The following RTL10 variants were observed in gnomAD, a reference collection of about 807,000 sequenced individuals.
RTL10 encodes protein Bop.
For missense variants in RTL10, 477 were observed against 470.7 expected (o/e 1.01, Z -0.12); for synonymous variants, 199 against 188.4 (o/e 1.06, Z -0.46).
chr22:19,852,158 G>A lies in RTL10; in HGVS notation c.104C>T (p.Pro35Leu). 1 of 1,614,136 alleles carries A rather than the reference G, an allele frequency of 6.2e-7. No individual in the cohort carries two copies. Among genetic ancestry groups the A allele is most frequent in the Non-Finnish European group, 8.5e-7 (1 of 1,180,036 alleles). The change falls in exon 3 of 3, where the codon CCT becomes CTT. Residue 35 changes from proline to leucine, a missense_variant. By Grantham distance (98) the Pro-to-Leu change is moderately conservative. Coordinates refer to ENST00000328554, the MANE Select transcript of RTL10 (RefSeq NM_024627.6). ...HPWQQMDKAS[P>L]GVAYTPLVDP... ...CACAAGGGGGGTGTATGCCACCCCA[G>A]GAGACGCCTTGTCCATCTGCTGCCA...
In RTL10 at chr22:19,851,054, G is replaced by T; in HGVS notation, c.*113C>A. 1.4e-6 allele frequency: 2 copies of T among 1,452,952 alleles called. No individual in the cohort carries two copies. Among genetic ancestry groups the T allele is most frequent in the Non-Finnish European group, 1.8e-6 (2 of 1,102,532 alleles). The allele number at this position is 1,452,952 out of a possible 1,614,324, so 90.0% of individuals were successfully genotyped here. A position where few individuals can be genotyped will look rare whatever the true frequency, so the allele number is the denominator to read the frequency against. On this transcript the variant is annotated 3_prime_UTR_variant, in exon 3 of 3. Coordinates refer to ENST00000328554, the MANE Select transcript of RTL10 (RefSeq NM_024627.6). ...AACAAGCGCATCTTGCCCAGCTATG[G>T]GGTCTGAAGTCATCTGGGGACACCA...
rs1274231121 is a variant in RTL10 at position 19,847,524 on chromosome 22, A to G, written c.*3643T>C. 4 of 985,430 alleles carry G rather than the reference A, an allele frequency of 4.1e-6. No individual in the cohort carries two copies. The highest frequency in any genetic ancestry group is 4.8e-6 in the Non-Finnish European group (4 of 829,968). 61.0% of individuals were successfully genotyped at this position (985,430 alleles called of 1,614,324 possible). On this transcript the variant is annotated 3_prime_UTR_variant, in exon 3 of 3. Transcript: ENST00000328554. ...GAGGAAAAACTCTGGTCACAGCTCA[A>G]AAAGGTCAGGTAAGGACCCTCAGCT...
In RTL10 at chr22:19,849,982, T is replaced by C; in HGVS notation, c.*1185A>G. On this transcript the variant is annotated 3_prime_UTR_variant, in exon 3 of 3. Coordinates refer to ENST00000328554, the MANE Select transcript of RTL10 (RefSeq NM_024627.6). ...TTTCTTCATTCCATTCCTCTGGGCC[T>C]GGGGCCTCACAGCTCTGGACTGCTG... 2 of 985,502 alleles carry C rather than the reference T, an allele frequency of 2.0e-6. No individual in the cohort carries two copies. The highest frequency in any genetic ancestry group is 2.4e-6 in the Non-Finnish European group (2 of 830,014). The allele number at this position is 985,502 out of a possible 1,614,324, so 61.0% of individuals were successfully genotyped here. A position where few individuals can be genotyped will look rare whatever the true frequency, so the allele number is the denominator to read the frequency against.
Position 19,852,354 on chromosome 22 carries a change from A to G in RTL10, c.-93T>C. 1 of 1,398,244 alleles carries G rather than the reference A, an allele frequency of 7.2e-7. No homozygotes were observed. The highest frequency in any genetic ancestry group is 9.8e-7 in the Non-Finnish European group (1 of 1,019,868). 86.6% of individuals were successfully genotyped at this position (1,398,244 alleles called of 1,614,324 possible). A position where few individuals can be genotyped will look rare whatever the true frequency, so the allele number is the denominator to read the frequency against. ...GCTTGCACGACACAACAGGACAGGG[A>G]TGGCTGAACAGGGCGTGGCAGACCC... On this transcript the variant is annotated 5_prime_UTR_variant, in exon 3 of 3. Coordinates refer to ENST00000328554, the MANE Select transcript of RTL10 (RefSeq NM_024627.6).
chr22:19,851,248 C>T lies in RTL10; in HGVS notation c.1014G>A (p.Gln338=). The change falls in exon 3 of 3, where the codon CAG becomes CAA. Residue 338 remains glutamine, a synonymous_variant. Coordinates refer to ENST00000328554, the MANE Select transcript of RTL10 (RefSeq NM_024627.6). Reference sequence around the variant, plus strand: ...CCTGTGGGGTACCTAAGGACACCTCCTGGTCTCCCTCTGTCTCCAAAACCT... The same window carrying T: ...CCTGTGGGGTACCTAAGGACACCTCTTGGTCTCCCTCTGTCTCCAAAACCT... ...EEEVLETEGD[Q]EVSLGTPQEV... 1.2e-6 allele frequency: 2 copies of T among 1,606,316 alleles called. No individual in the cohort carries two copies. Among genetic ancestry groups the T allele is most frequent in the Middle Eastern group, 1.7e-4 (1 of 6,058 alleles).
Position 19,846,900 on chromosome 22 carries a change from C to T in RTL10, c.*4267G>A. 1.0e-6 allele frequency: 1 copy of T among 982,620 alleles called. No individual in the cohort carries two copies. Among genetic ancestry groups the T allele is most frequent in the Non-Finnish European group, 1.2e-6 (1 of 827,374 alleles). 60.9% of individuals were successfully genotyped at this position (982,620 alleles called of 1,614,324 possible). ...CCCTAGCCTGCGGTCCTTTGTCAGG[C>T]AGCCCCAGCAGACAAACAGGTATGT... On this transcript the variant is annotated 3_prime_UTR_variant, in exon 3 of 3. Transcript: ENST00000328554.
In RTL10 at chr22:19,852,357, G is replaced by A; in HGVS notation, c.-96C>T. The A allele has an allele frequency of 7.3e-7, 1 of 1,362,414 alleles. No individual in the cohort carries two copies. The highest frequency in any genetic ancestry group is 1.0e-6 in the Non-Finnish European group (1 of 988,660). The allele number at this position is 1,362,414 out of a possible 1,614,324, so 84.4% of individuals were successfully genotyped here. A position where few individuals can be genotyped will look rare whatever the true frequency, so the allele number is the denominator to read the frequency against. On this transcript the variant is annotated 5_prime_UTR_variant, in exon 3 of 3. Transcript: ENST00000328554. ...TGCACGACACAACAGGACAGGGATG[G>A]CTGAACAGGGCGTGGCAGACCCGCA...
chr22:19,850,406 A>C lies in RTL10; in HGVS notation c.*761T>G. The C allele has an allele frequency of 1.0e-6, 1 of 990,556 alleles. No homozygotes were observed. Among genetic ancestry groups the C allele is most frequent in the Non-Finnish European group, 1.2e-6 (1 of 833,590 alleles). 61.4% of individuals were successfully genotyped at this position (990,556 alleles called of 1,614,324 possible). A position where few individuals can be genotyped will look rare whatever the true frequency, so the allele number is the denominator to read the frequency against. ...CAATGCATGCGAGTGCGGAGTGAGC[A>C]GGGGATGGCAGCACAGCAGCAGGGA... On this transcript the variant is annotated 3_prime_UTR_variant, in exon 3 of 3. Coordinates refer to ENST00000328554, the MANE Select transcript of RTL10 (RefSeq NM_024627.6).
Position 19,846,675 on chromosome 22 carries a change from A to AT in RTL10, c.*4491dup. On this transcript the variant is annotated 3_prime_UTR_variant, in exon 3 of 3. Coordinates refer to ENST00000328554, the MANE Select transcript of RTL10 (RefSeq NM_024627.6). ...CTTTAAAGAGGTAATTCAGGGTTAA[A>AT]TGAGGTCATGAGGGTGGGCCCTGAT... 1 of 546,136 alleles carries AT rather than the reference A, an allele frequency of 1.8e-6. No individual in the cohort carries two copies. Among genetic ancestry groups the AT allele is most frequent in the Non-Finnish European group, 2.3e-6 (1 of 428,776 alleles). 33.8% of individuals were successfully genotyped at this position (546,136 alleles called of 1,614,324 possible). A position where few individuals can be genotyped will look rare whatever the true frequency, so the allele number is the denominator to read the frequency against.
chr22:19,848,506 G>T lies in RTL10; in HGVS notation c.*2661C>A. 1 of 985,502 alleles carries T rather than the reference G, an allele frequency of 1.0e-6. No homozygotes were observed. The highest frequency in any genetic ancestry group is 1.2e-6 in the Non-Finnish European group (1 of 829,974). The allele number at this position is 985,502 out of a possible 1,614,324, so 61.0% of individuals were successfully genotyped here. On this transcript the variant is annotated 3_prime_UTR_variant, in exon 3 of 3. Transcript: ENST00000328554. ...AAGGAGCTGTGTGCACTGCCTGTCT[G>T]GAAGGCCATGCCAGAGTCCATCGTT...
Position 19,851,478 on chromosome 22 carries a change from CCTT to C in RTL10, c.781_783del (p.Lys261del). Reference sequence around the variant, plus strand: ...GGCTCCTTGGGCCCAGGGGTGCTCTCCTTGGTCAGCTGCTGCTCGAACAGAGCA... The same window carrying C: ...GGCTCCTTGGGCCCAGGGGTGCTCTCGGTCAGCTGCTGCTCGAACAGAGCA... On this transcript the variant is annotated inframe_deletion, in exon 3 of 3. Coordinates refer to ENST00000328554, the MANE Select transcript of RTL10 (RefSeq NM_024627.6). 6.2e-7 allele frequency: 1 copy of C among 1,614,102 alleles called. No individual in the cohort carries two copies. The highest frequency in any genetic ancestry group is 8.5e-7 in the Non-Finnish European group (1 of 1,180,028).
rs1938003345 is a variant in RTL10 at position 19,847,879 on chromosome 22, T to C, written c.*3288A>G. On this transcript the variant is annotated 3_prime_UTR_variant, in exon 3 of 3. Coordinates refer to ENST00000328554, the MANE Select transcript of RTL10 (RefSeq NM_024627.6). ...ATAATTGTAACATTGAAATCTTTAATCTGGAATATGTACTGGCATAAAGAG... is the reference window on the plus strand; with the variant it reads ...ATAATTGTAACATTGAAATCTTTAACCTGGAATATGTACTGGCATAAAGAG... The C allele has an allele frequency of 1.0e-6, 1 of 973,986 alleles. No individual in the cohort carries two copies. Among genetic ancestry groups the C allele is most frequent in the Non-Finnish European group, 1.2e-6 (1 of 820,414 alleles). 60.3% of individuals were successfully genotyped at this position (973,986 alleles called of 1,614,324 possible).
intron 2 of RTL10, among the ~76,000 whole-genome samples, chr22:19,854,116 C>T (rs1487621088): frequency 1.3e-5 from 2 of 152,332 alleles, no homozygotes; most frequent in East Asian, 1.9e-4. Context: ...AACCTTAGCC[C>T]TCCCACGCCT....
chr22:19,854,018 C>A (rs567309132), intron 2 of RTL10, among the ~76,000 whole-genome samples: 1 of 152,322 alleles, frequency 6.6e-6, no homozygotes, highest in Non-Finnish European at 1.5e-5. Flanking sequence ...CCCCTGCAGT[C>A]TGGGAGAAGG....
At chr22:19,853,883 G>A (rs1393506201) in intron 2 of RTL10, among the ~76,000 whole-genome samples, 3 of 152,198 alleles carry the variant, frequency 2.0e-5, no homozygotes, top group Non-Finnish European at 2.9e-5. Context: ...CACCAGCCAA[G>A]GTTAGGTATC....
At position 19,851,716 on chromosome 22, in the gene RTL10, C is replaced by T. The variant is rs1388950438; in HGVS notation, c.546G>A (p.Pro182=). 6 of 1,602,874 alleles carry T rather than the reference C, an allele frequency of 3.7e-6. No homozygotes were observed. The highest frequency in any genetic ancestry group is 2.7e-5 in the African/African-American group (2 of 74,654). Residue 182 remains proline, a synonymous_variant, in exon 3 of 3, where the codon CCG becomes CCA. Coordinates refer to ENST00000328554, the MANE Select transcript of RTL10 (RefSeq NM_024627.6). ...CQDLKEVVQD[P]NSFAEYHAVV... ...CAGCATGGTACTCAGCAAAACTGTT[C>T]GGGTCTTGAACAACTTCCTTGAGAT...
chr22:19,851,057 T>G lies in RTL10; in HGVS notation c.*110A>C. 1 of 1,457,436 alleles carries G rather than the reference T, an allele frequency of 6.9e-7. No homozygotes were observed. The allele number at this position is 1,457,436 out of a possible 1,614,324, so 90.3% of individuals were successfully genotyped here. ...AAGCGCATCTTGCCCAGCTATGGGGTCTGAAGTCATCTGGGGACACCACTC... is the reference window on the plus strand; with the variant it reads ...AAGCGCATCTTGCCCAGCTATGGGGGCTGAAGTCATCTGGGGACACCACTC... On this transcript the variant is annotated 3_prime_UTR_variant, in exon 3 of 3. Coordinates refer to ENST00000328554, the MANE Select transcript of RTL10 (RefSeq NM_024627.6).
In RTL10 at chr22:19,852,212, G is replaced by A; in HGVS notation, c.50C>T (p.Ala17Val). ...RQQGPRIPIW[A>V]AANYANAHPW... is the part of the protein sequence containing the mutation. ...ATGTGCGTTGGCATAATTGGCGGCT[G>A]CCCAGATGGGAATGCGAGGGCCCTG... Residue 17 changes from alanine (A) to valine (V), a missense_variant, in exon 3 of 3, where the codon GCA (alanine) becomes GTA (valine). Physicochemically the swap from Ala to Val is moderately conservative, Grantham distance 64 (BLOSUM62 0). Transcript: ENST00000328554. 10 of 1,613,426 alleles carry A rather than the reference G, an allele frequency of 6.2e-6. No individual in the cohort carries two copies. Among genetic ancestry groups the A allele is most frequent in the Non-Finnish European group, 8.5e-6 (10 of 1,179,808 alleles).
At chr22:19,853,923 C>T (rs918639178) in intron 2 of RTL10, among the ~76,000 whole-genome samples, 12 of 152,228 alleles carry the variant, frequency 7.9e-5, no homozygotes, top group South Asian at 4.1e-4. Flanking sequence ...ACACCCCATG[C>T]CCGGGAGCCA....
Sources: gnomAD v4.1 joint callset for allele counts (sites outside exome capture counted in the v4.1 genomes callset) on GRCh38, gnomAD v4.1.1 for gene constraint, MANE v1.5 for transcripts, NCBI Gene and HGNC (gene_info 2026-07-23, HGNC 2026-07-21) for gene names.